Variants in DNM3 observed in about 807,000 individuals in gnomAD.
The protein encoded by DNM3 is dynamin-3.
A neutral mutation model predicts 101.6 loss-of-function variants in DNM3; 47 were observed. The ratio of observed to expected loss-of-function variants is 0.46; its 90% CI spans 0.37 to 0.59. The LOEUF (loss-of-function observed/expected upper bound fraction) is 0.59. Ranked by LOEUF, DNM3 falls within the 20% of genes least tolerant of loss-of-function variation. The probability of loss-of-function intolerance (pLI) is 0.00; values close to 1 mark genes in which losing one functional copy is unlikely to be tolerated. For missense variants in DNM3, 849 were observed against 1,085.7 expected, an observed-to-expected ratio of 0.78 and a Z score of 3.06; for synonymous variants, 385 against 387.9, an observed-to-expected ratio of 0.99 and a Z score of 0.09.
chr1:172,097,847 A>C (rs2054349941), intron 13 of DNM3, among the ~76,000 whole-genome samples: 1 of 152,196 alleles, frequency 6.6e-6, no homozygotes, highest in South Asian at 2.1e-4. Context: ...CTGGGTGTCC[A>C]GGGGAGATGT....
chr1:172,286,310 T>A (rs2148803136), intron 15 of DNM3, among the ~76,000 whole-genome samples: 1 of 152,298 alleles, frequency 6.6e-6, no homozygotes, highest in Middle Eastern at 3.4e-3. Context: ...TATTCTGACC[T>A]AATAAATGAG....
At chr1:172,069,351 C>T (rs1186283907) in intron 11 of DNM3, among the ~76,000 whole-genome samples, 1 of 151,912 alleles carries the variant, frequency 6.6e-6, no homozygotes, top group Non-Finnish European at 1.5e-5. Flanking sequence ...TCATTTTTTT[C>T]TGAGGAGAGA....
intron 4 of DNM3, among the ~76,000 whole-genome samples, chr1:172,024,319 G>T (rs1338460880): frequency 1.3e-5 from 2 of 152,002 alleles, no homozygotes; most frequent in Non-Finnish European, 2.9e-5. Context: ...GGTAAATTTT[G>T]GTATCCATAT....
At chr1:172,058,236 G>A (rs573605848) in intron 10 of DNM3, among the ~76,000 whole-genome samples, 63 of 151,868 alleles carry the variant, frequency 4.1e-4, no homozygotes, top group Admixed American at 1.1e-3. Context: ...ACTCCCACAC[G>A]TTAATAATGG....
chr1:172,318,145 A>G (rs1162049049), intron 16 of DNM3, among the ~76,000 whole-genome samples: 1 of 152,254 alleles, frequency 6.6e-6, no homozygotes, highest in Non-Finnish European at 1.5e-5. Flanking sequence ...GCACATGATT[A>G]TTTCAATAGA....
intron 1 of DNM3, among the ~76,000 whole-genome samples, chr1:171,863,090 C>CT (rs1403830947): frequency 2.0e-5 from 3 of 149,122 alleles, no homozygotes; most frequent in Non-Finnish European, 4.4e-5. Context: ...AAAGGGGATG[C>CT]TTTTTTTGAT....
At chr1:172,229,772 A>G (rs944058975) in intron 14 of DNM3, among the ~76,000 whole-genome samples, 1 of 152,122 alleles carries the variant, frequency 6.6e-6, no homozygotes, top group African/African-American at 2.4e-5. Flanking sequence ...ACACATACAT[A>G]CATGTGTGCT....
In DNM3 at chr1:171,989,152, A is replaced by C; in HGVS notation, c.589+4A>C. 6.2e-7 allele frequency: 1 copy of C among 1,611,960 alleles called. No homozygotes were observed. The highest frequency in any genetic ancestry group is 8.5e-7 in the Non-Finnish European group (1 of 1,178,788). Reference sequence around the variant, plus strand: ...GCTAAAGAAGTTGATCCTCAAGGTGAGTGTGTGACTACTAAGATGAGAAGG... The same window carrying C: ...GCTAAAGAAGTTGATCCTCAAGGTGCGTGTGTGACTACTAAGATGAGAAGG... On this transcript the variant is annotated splice_donor_region_variant and intron_variant, in intron 4 of 20. Transcript: ENST00000627582.
chr1:171,951,313 C>T (rs1436503312), intron 2 of DNM3, among the ~76,000 whole-genome samples: 1 of 152,128 alleles, frequency 6.6e-6, no homozygotes, highest in East Asian at 1.9e-4. Context: ...ATTCTGAACT[C>T]TCCAAATAAA....
intron 14 of DNM3, among the ~76,000 whole-genome samples, chr1:172,215,195 GATTGGGCAGAGACCATGTCT>G (rs2060648779): frequency 6.6e-6 from 1 of 152,076 alleles, no homozygotes; most frequent in Non-Finnish European, 1.5e-5. Context: ...TTTCCAAGCT[GATTGGGCAGAGACCATGTCT>G]ATTGCACTTT....
intron 12 of DNM3, among the ~76,000 whole-genome samples, chr1:172,082,663 T>A (rs2053245666): frequency 6.6e-6 from 1 of 152,248 alleles, no homozygotes; most frequent in Non-Finnish European, 1.5e-5. Flanking sequence ...TATGTACTTT[T>A]ACTTAAACTG....
At chr1:172,163,883 G>A (rs1460467003) in intron 14 of DNM3, among the ~76,000 whole-genome samples, 1 of 101,202 alleles carries the variant, frequency 9.9e-6, no homozygotes, top group African/African-American at 7.3e-5. Context: ...ATATGTATGT[G>A]TATATATGTA....
chr1:171,956,298 G>A (rs955613293), intron 2 of DNM3, among the ~76,000 whole-genome samples: 8 of 152,158 alleles, frequency 5.3e-5, no homozygotes, highest in Non-Finnish European at 1.2e-4. Flanking sequence ...AGATACAATG[G>A]GGGTACCCAC....
intron 12 of DNM3, among the ~76,000 whole-genome samples, chr1:172,084,150 A>G (rs934249312): frequency 6.6e-6 from 1 of 152,074 alleles, no homozygotes; most frequent in African/African-American, 2.4e-5. Context: ...GCCTTTCTCT[A>G]TCTGTTTACT....
In DNM3 at chr1:172,276,557, A is replaced by ATGTGTGTGTGTGTGTGTGTG. The variant is rs60837783; in HGVS notation, c.1769+22885_1769+22904dup. ...TAATAATCACAGAAAAAAAATCTTA[A>ATGTGTGTGTGTGTGTGTGTG]TGTGTGTGTGTGTGTGTGTGTGTGT... On this transcript the variant is annotated intron_variant, in intron 15 of 20. Transcript: ENST00000627582. 2.7e-3 allele frequency among the ~76,000 whole-genome samples: 388 copies of ATGTGTGTGTGTGTGTGTGTG among 144,350 alleles called. 2 individuals are homozygous for ATGTGTGTGTGTGTGTGTGTG. Among genetic ancestry groups the ATGTGTGTGTGTGTGTGTGTG allele is most frequent in the African/African-American group, 7.7e-3 (301 of 39,138 alleles). The allele number at this position is 144,350 out of a possible 152,430, so 94.7% of individuals were successfully genotyped here. A position where few individuals can be genotyped will look rare whatever the true frequency, so the allele number is the denominator to read the frequency against.
chr1:171,920,411 G>T (rs920649257), intron 1 of DNM3, among the ~76,000 whole-genome samples: 1 of 152,174 alleles, frequency 6.6e-6, no homozygotes, highest in Non-Finnish European at 1.5e-5. Flanking sequence ...TTCAAACCTT[G>T]GTGAGCATCA....
chr1:172,222,856 T>C lies in DNM3; in HGVS notation c.1660-30717T>C, dbSNP rs535187672. ...ATAACTTGCTCATTCACCGAAAACT[T>C]GTACACAAACAAAATCTAGAAAAAG... On this transcript the variant is annotated intron_variant, in intron 14 of 20. Coordinates refer to ENST00000627582, the MANE Select transcript of DNM3 (RefSeq NM_015569.5). 3.4e-4 allele frequency among the ~76,000 whole-genome samples: 52 copies of C among 152,246 alleles called. 1 individual carries two copies. The highest frequency in any genetic ancestry group is 1.2e-3 in the African/African-American group (48 of 41,576).
chr1:171,987,812 A>G lies in DNM3; in HGVS notation c.385+7A>G. ...CGAGTCTATTCCCCACACGGTAAGT[A>G]AAATAATAAAATTCCAAATTCTTCT... On this transcript the variant is annotated splice_region_variant and intron_variant, in intron 3 of 20. Coordinates refer to ENST00000627582, the MANE Select transcript of DNM3 (RefSeq NM_015569.5). 6.5e-7 allele frequency: 1 copy of G among 1,537,432 alleles called. No individual in the cohort carries two copies. The highest frequency in any genetic ancestry group is 8.7e-7 in the Non-Finnish European group (1 of 1,148,022).
intron 2 of DNM3, among the ~76,000 whole-genome samples, chr1:171,971,584 C>T (rs1013167429): frequency 6.6e-6 from 1 of 151,890 alleles, no homozygotes; most frequent in Non-Finnish European, 1.5e-5. Flanking sequence ...GGCCAGAAAA[C>T]GCCACTCCCA....
Sources: gnomAD v4.1 joint callset for allele counts (sites outside exome capture counted in the v4.1 genomes callset) on GRCh38, gnomAD v4.1.1 for gene constraint, MANE v1.5 for transcripts, NCBI Gene and HGNC (gene_info 2026-07-23, HGNC 2026-07-21) for gene names.